RGS7: variants seen among roughly 807,000 people sequenced by gnomAD.
RGS7 encodes regulator of G-protein signaling 7.
RGS7 carries 27 observed loss-of-function variants against 81.1 expected under a neutral mutation model. The observed-to-expected ratio is 0.33, with a 90% CI of 0.25 to 0.46. The LOEUF (loss-of-function observed/expected upper bound fraction) is 0.46. Among genes scored for constraint, RGS7 ranks in the 20% least tolerant of loss-of-function variants. The pLI is 1.00. For synonymous variants in RGS7, 208 were observed against 207.7 expected (o/e 1.00, Z -0.01); for missense variants, 396 against 607.4 (o/e 0.65, Z 3.66).
chr1:240,867,407 TA>T (rs894528309), intron 9 of RGS7, among the ~76,000 whole-genome samples: 4 of 152,186 alleles, frequency 2.6e-5, no homozygotes, highest in African/African-American at 9.6e-5. Context: ...TGTCTGTATT[TA>T]AATAAATCTA....
At position 241,049,209 on chromosome 1, in the gene RGS7, T is replaced by C. The variant is rs188152565; in HGVS notation, c.175+49457A>G. On this transcript the variant is annotated intron_variant, in intron 3 of 18. Transcript: ENST00000440928. ...CCAGTTCAACCCATAACACTAAGATTGAAAACCTGGCAACATCGACTTAAA... is the reference window on the plus strand; with the variant it reads ...CCAGTTCAACCCATAACACTAAGATCGAAAACCTGGCAACATCGACTTAAA... Among the ~76,000 whole-genome samples, 51 of 152,336 alleles carry C rather than the reference T, an allele frequency of 3.3e-4. 1 individual carries two copies. The highest frequency in any genetic ancestry group is 1.2e-3 in the African/African-American group (50 of 41,582).
rs368082086 is a variant in RGS7 at position 240,817,905 on chromosome 1, C to T, written c.685-1490G>A. Among the ~76,000 whole-genome samples, 31 of 152,114 alleles carry T rather than the reference C, an allele frequency of 2.0e-4. 2 individuals are homozygous for T. Among genetic ancestry groups the T allele is most frequent in the Admixed American group, 6.5e-4 (10 of 15,282 alleles). On this transcript the variant is annotated intron_variant, in intron 10 of 18. Coordinates refer to ENST00000440928, the MANE Select transcript of RGS7 (RefSeq NM_001364886.1). ...GGCGTGAGCCACCGCGCCTGGCCTC[C>T]GTCCTTTTTTTGGTGCTCTTATCCT...
intron 2 of RGS7, among the ~76,000 whole-genome samples, chr1:241,302,192 G>A (rs1051649203): frequency 6.6e-6 from 1 of 152,202 alleles, no homozygotes; most frequent in African/African-American, 2.4e-5. Flanking sequence ...CACATTGCAG[G>A]AACAGCAGGA....
chr1:241,248,726 A>G (rs2076683080), intron 2 of RGS7, among the ~76,000 whole-genome samples: 1 of 152,122 alleles, frequency 6.6e-6, no homozygotes, highest in Admixed American at 6.6e-5. Context: ...TACTTTGAGC[A>G]CCAATACTAA....
intron 6 of RGS7, among the ~76,000 whole-genome samples, chr1:240,907,227 G>A (rs1225280806): frequency 6.6e-6 from 1 of 152,070 alleles, no homozygotes; most frequent in Non-Finnish European, 1.5e-5. Flanking sequence ...TGTCATGCCT[G>A]AAAAAATGTC....
In RGS7 at chr1:241,082,682, ATTG is replaced by A. The variant is rs1200251881; in HGVS notation, c.175+15981_175+15983del. Reference sequence around the variant, plus strand: ...ATTATCGAAATTACAGTTAACAATAATTGTTGTGTATTTCAAAATAGTTAGAAG... The same window carrying A: ...ATTATCGAAATTACAGTTAACAATAATTGTGTATTTCAAAATAGTTAGAAG... On this transcript the variant is annotated intron_variant, in intron 3 of 18. Transcript: ENST00000440928. Among the ~76,000 whole-genome samples, 12 of 152,292 alleles carry A rather than the reference ATTG, an allele frequency of 7.9e-5. No homozygotes were observed. The East Asian group carries it at 2.1e-3, about 27-fold the overall frequency.
At chr1:240,861,831 G>A (rs1181371631) in intron 9 of RGS7, among the ~76,000 whole-genome samples, 1 of 151,916 alleles carries the variant, frequency 6.6e-6, no homozygotes. Flanking sequence ...TTAAAGTATG[G>A]TGCAGAGGAT....
chr1:241,060,933 G>A (rs1048470163), intron 3 of RGS7, among the ~76,000 whole-genome samples: 4 of 152,210 alleles, frequency 2.6e-5, no homozygotes, highest in African/African-American at 9.7e-5. Flanking sequence ...AAAACTCTAA[G>A]AATGGTCTCT....
At chr1:240,952,005 A>T (rs1006344519) in intron 4 of RGS7, among the ~76,000 whole-genome samples, 1 of 152,108 alleles carries the variant, frequency 6.6e-6, no homozygotes, top group Admixed American at 6.6e-5. Flanking sequence ...AAGGAAGAAA[A>T]CCCACTAACC....
intron 3 of RGS7, among the ~76,000 whole-genome samples, chr1:241,016,054 C>A (rs2059202525): frequency 6.6e-6 from 1 of 152,162 alleles, no homozygotes; most frequent in Non-Finnish European, 1.5e-5. Context: ...TAGAAAAATG[C>A]TCACCTAAAA....
chr1:240,936,490 C>G, intron 5 of RGS7, 110 bp downstream of exon 5: 2 of 816,126 alleles, frequency 2.5e-6, no homozygotes, highest in Admixed American at 2.0e-5. Context: ...TAGCCTAAGT[C>G]AAAGTAAAAT....
At chr1:241,148,913 A>G (rs2068544541) in intron 2 of RGS7, among the ~76,000 whole-genome samples, 1 of 152,252 alleles carries the variant, frequency 6.6e-6, no homozygotes, top group South Asian at 2.1e-4. Flanking sequence ...TCTTTTGGCT[A>G]CTATGTATTT....
intron 3 of RGS7, among the ~76,000 whole-genome samples, chr1:241,068,257 T>TATATATATATATAA (rs1433690559): frequency 0.1 from 7,430 of 72,018 alleles, 1,751 homozygotes; most frequent in South Asian, 0.14. Context: ...TATATATATA[T>TATATATATATATAA]AAAATATTGT....
intron 2 of RGS7, among the ~76,000 whole-genome samples, chr1:241,203,961 ATAACCTGAAGGT>A (rs1466580483): frequency 1.3e-5 from 2 of 152,336 alleles, no homozygotes; most frequent in Admixed American, 1.3e-4. Context: ...TCCCGAAATG[ATAACCTGAAGGT>A]CAAATACAAC....
intron 1 of RGS7, among the ~76,000 whole-genome samples, chr1:241,356,179 T>G (rs2083551003): frequency 6.7e-6 from 1 of 148,738 alleles, no homozygotes; most frequent in African/African-American, 2.5e-5. Flanking sequence ...CTGAACTTGG[T>G]GATGTTTTCC....
chr1:240,936,741 G>T (rs923668511), intron 4 of RGS7, 35 bp from the exon 5 acceptor site: 5 of 1,513,822 alleles, frequency 3.3e-6, no homozygotes, highest in Non-Finnish European at 4.6e-6. Context: ...ACATAAAAAA[G>T]CCTTTTAAAT....
At chr1:240,808,822 C>G (rs1689333457) in intron 14 of RGS7, among the ~76,000 whole-genome samples, 1 of 151,676 alleles carries the variant, frequency 6.6e-6, no homozygotes, top group Non-Finnish European at 1.5e-5. Flanking sequence ...CTGCTATGAG[C>G]TATGACAGTG....
At chr1:240,783,898 A>G (rs1036376546) in intron 18 of RGS7, among the ~76,000 whole-genome samples, 3 of 151,682 alleles carry the variant, frequency 2.0e-5, no homozygotes, top group Non-Finnish European at 4.4e-5. Flanking sequence ...CAGAATGGCC[A>G]GGTGCGGTGA....
intron 2 of RGS7, among the ~76,000 whole-genome samples, chr1:241,282,510 G>A (rs557051537): frequency 2.0e-5 from 3 of 152,256 alleles, no homozygotes; most frequent in Admixed American, 6.5e-5. Flanking sequence ...AGACAATCAC[G>A]TCATCTGCAA....
Sources: allele counts gnomAD v4.1 joint callset (sites outside exome capture counted in the v4.1 genomes callset), GRCh38; gene constraint gnomAD v4.1.1; transcripts MANE v1.5; gene names NCBI Gene and HGNC (gene_info 2026-07-23, HGNC 2026-07-21).